Variants in SELENOT observed in about 807,000 individuals in gnomAD.
SELENOT encodes selenoprotein T, also known as thioredoxin reductase-like selenoprotein T.
A neutral mutation model predicts 24.3 loss-of-function variants in SELENOT; 9 were observed. That is an observed-to-expected ratio of 0.37 (90% CI 0.22 to 0.65). The LOEUF is 0.65. SELENOT is among the 30% of genes least tolerant of loss of function. The pLI is 0.60. For synonymous variants in SELENOT, 81 were observed against 86.0 expected (o/e 0.94, Z 0.32); for missense variants, 166 against 247.6 (o/e 0.67, Z 2.21).
rs1273778141 is a variant in SELENOT, at chr3:150,627,117, C to T, written c.571C>T (p.Pro191Ser). The change falls in exon 5 of 6, where the codon CCA becomes TCA. Residue 191 changes from proline to serine, a missense_variant. Around this residue, in one of 5 missense-constraint regions of SELENOT, gnomAD observed 44 missense variants for 72.2 expected, o/e 0.61. Coordinates refer to ENST00000471696, the MANE Select transcript of SELENOT (RefSeq NM_016275.5). ...MKLNVHMDSI[P>S]HHRS ...GCTCAATGTGCATATGGATTCAATCCCACACCATCGATCATAGCACCACCT... is the reference window on the plus strand; with the variant it reads ...GCTCAATGTGCATATGGATTCAATCTCACACCATCGATCATAGCACCACCT... The T allele has an allele frequency of 6.2e-7, 1 of 1,613,052 alleles. No individual in the cohort carries two copies. The highest frequency in any genetic ancestry group is 8.5e-7 in the Non-Finnish European group (1 of 1,179,516).
chr3:150,610,728 G>A (rs1726066951), intron 1 of SELENOT, among the ~76,000 whole-genome samples: 1 of 152,168 alleles, frequency 6.6e-6, no homozygotes, highest in Admixed American at 6.5e-5. Context: ...ACTAAAAAAT[G>A]TTTTACTAAC....
chr3:150,618,950 A>G (rs997959052), intron 1 of SELENOT: 7 of 152,218 alleles, frequency 4.6e-5, no homozygotes, highest in African/African-American at 1.4e-4. Flanking sequence ...CTTCTTTTAG[A>G]AAAGTACTGT....
At chr3:150,604,906 G>A (rs1315753984) in intron 1 of SELENOT, among the ~76,000 whole-genome samples, 2 of 151,952 alleles carry the variant, frequency 1.3e-5, no homozygotes, top group African/African-American at 2.4e-5. Context: ...GCGTGGTGGC[G>A]CATGCCTGTA....
At chr3:150,625,954 C>G (rs929595527) in intron 4 of SELENOT, among the ~76,000 whole-genome samples, 1 of 151,436 alleles carries the variant, frequency 6.6e-6, no homozygotes, top group African/African-American at 2.4e-5. Context: ...ACTGCAAGCT[C>G]TGCCTCCCAG....
chr3:150,623,027 T>C lies in SELENOT; in HGVS notation c.249-16T>C. ...AATTGTGGCTTCTGATGATTTTCTT[T>C]CTTTTCTTTTGATAGACACATAGCA... On this transcript the variant is annotated splice_polypyrimidine_tract_variant and intron_variant, in intron 2 of 5. Coordinates refer to ENST00000471696, the MANE Select transcript of SELENOT (RefSeq NM_016275.5). 1 of 1,505,032 alleles carries C rather than the reference T, an allele frequency of 6.6e-7. No individual in the cohort carries two copies. Among genetic ancestry groups the C allele is most frequent in the Non-Finnish European group, 8.9e-7 (1 of 1,126,520 alleles). The allele number at this position is 1,505,032 out of a possible 1,614,324, so 93.2% of individuals were successfully genotyped here. A position where few individuals can be genotyped will look rare whatever the true frequency, so the allele number is the denominator to read the frequency against.
Position 150,630,140 on chromosome 3 carries a change from A to G in SELENOT, c.*2511A>G, listed in dbSNP as rs1726526137. The G allele has an allele frequency of 6.6e-6, 1 of 152,244 alleles. No individual in the cohort carries two copies. The highest frequency in any genetic ancestry group is 1.5e-5 in the Non-Finnish European group (1 of 68,034). 9.4% of individuals were successfully genotyped at this position (152,244 alleles called of 1,614,324 possible). On this transcript the variant is annotated 3_prime_UTR_variant, in exon 6 of 6. Transcript: ENST00000471696. ...ATTATTTGCTTATGACACTAACACT[A>G]TTAATGACAGGAGTCAATCAGCCTT...
intron 4 of SELENOT, among the ~76,000 whole-genome samples, chr3:150,625,527 C>G (rs1726421396): frequency 6.6e-6 from 1 of 152,116 alleles, no homozygotes; most frequent in African/African-American, 2.4e-5. Context: ...ATCTTAACTG[C>G]CACCACCCTA....
At chr3:150,606,976 C>T (rs1313754010) in intron 1 of SELENOT, among the ~76,000 whole-genome samples, 1 of 152,166 alleles carries the variant, frequency 6.6e-6, no homozygotes, top group East Asian at 1.9e-4. Context: ...GTTTGTCATA[C>T]ATACTTTCTC....
At chr3:150,617,498 A>G (rs1726243237) in intron 1 of SELENOT, among the ~76,000 whole-genome samples, 1 of 152,080 alleles carries the variant, frequency 6.6e-6, no homozygotes, top group African/African-American at 2.4e-5. Context: ...TATTGAGGAG[A>G]CTGAGGCAGA....
At chr3:150,619,649 G>A (rs910810655) in intron 1 of SELENOT, among the ~76,000 whole-genome samples, 1 of 152,202 alleles carries the variant, frequency 6.6e-6, no homozygotes, top group Admixed American at 6.5e-5. Flanking sequence ...TACTTATTTG[G>A]AGGTGTACTG....
At chr3:150,625,638 TAAAA>T (rs200078406) in intron 4 of SELENOT, among the ~76,000 whole-genome samples, 2 of 149,194 alleles carry the variant, frequency 1.3e-5, no homozygotes, top group African/African-American at 4.9e-5. Flanking sequence ...ACTTTTTGGT[TAAAA>T]AAAAAACTAA....
chr3:150,616,285 C>T (rs1455735984), intron 1 of SELENOT, among the ~76,000 whole-genome samples: 10 of 139,274 alleles, frequency 7.2e-5, no homozygotes, highest in Middle Eastern at 7.4e-3. Flanking sequence ...AGGACATAGG[C>T]ATGGGCAAGG....
Position 150,603,357 on chromosome 3 carries a change from T to G in SELENOT, c.-6T>G. 6.2e-7 allele frequency: 1 copy of G among 1,609,672 alleles called. No homozygotes were observed. The highest frequency in any genetic ancestry group is 8.5e-7 in the Non-Finnish European group (1 of 1,177,050). On this transcript the variant is annotated 5_prime_UTR_variant, in exon 1 of 6. Coordinates refer to ENST00000471696, the MANE Select transcript of SELENOT (RefSeq NM_016275.5). ...GAGGGCGGCCGAAGTGGCTGGCTCA[T>G]TTAAGATGAGGCTTCTGCTGCTTCT...
rs899853371 is a variant in SELENOT at position 150,622,404 on chromosome 3, C to T, written c.157C>T (p.Arg53Trp). The change falls in exon 2 of 6, where the codon CGG becomes TGG. Residue 53 changes from arginine to tryptophan, a missense_variant. Physicochemically the swap from Arg to Trp is moderately radical, Grantham distance 101. This residue lies in a region of SELENOT where 71 missense variants were observed against 89.2 expected (regional missense o/e 0.80). Transcript: ENST00000471696. ...FQICVSUGYR[R>W]VFEEYMRVIS... ...CTGCAGTGTTTCCTGAGGTTATAGG[C>T]GGGTGTTTGAGGAGTACATGCGGGT... is the stretch of plus-strand genomic sequence containing the variant. 1 of 1,462,248 alleles carries T rather than the reference C, an allele frequency of 6.8e-7. No homozygotes were observed. The highest frequency in any genetic ancestry group is 9.1e-7 in the Non-Finnish European group (1 of 1,093,206). The allele number at this position is 1,462,248 out of a possible 1,614,324, so 90.6% of individuals were successfully genotyped here. A position where few individuals can be genotyped will look rare whatever the true frequency, so the allele number is the denominator to read the frequency against.
intron 4 of SELENOT, among the ~76,000 whole-genome samples, chr3:150,626,304 A>G (rs759944565): frequency 8.5e-5 from 13 of 152,124 alleles, no homozygotes; most frequent in East Asian, 1.9e-4. Flanking sequence ...TGCATGATCT[A>G]TTTCAGTGGT....
chr3:150,609,690 G>C (rs1726039523), intron 1 of SELENOT, among the ~76,000 whole-genome samples: 1 of 152,162 alleles, frequency 6.6e-6, no homozygotes, highest in Non-Finnish European at 1.5e-5. Flanking sequence ...TCAGGATATA[G>C]AAAGTTGGGA....
chr3:150,607,070 A>C (rs1725983096), intron 1 of SELENOT, among the ~76,000 whole-genome samples: 1 of 152,234 alleles, frequency 6.6e-6, no homozygotes, highest in South Asian at 2.1e-4. Flanking sequence ...AACCCTTTAC[A>C]GTTAATATTT....
intron 1 of SELENOT, among the ~76,000 whole-genome samples, chr3:150,607,576 A>G (rs535456425): frequency 6.6e-6 from 1 of 152,350 alleles, no homozygotes; most frequent in East Asian, 1.9e-4. Flanking sequence ...CCACACAGAT[A>G]AAATTCAATT....
At chr3:150,610,694 T>C (rs1392618811) in intron 1 of SELENOT, among the ~76,000 whole-genome samples, 1 of 152,232 alleles carries the variant, frequency 6.6e-6, no homozygotes. Context: ...TGAAATTAGA[T>C]TGTGAACTCT....
Sources: gnomAD v4.1 joint callset for allele counts (sites outside exome capture counted in the v4.1 genomes callset) on GRCh38, gnomAD v4.1.1 for gene constraint, gnomAD v4.1.1 regional missense constraint, MANE v1.5 for transcripts, NCBI Gene and HGNC (gene_info 2026-07-23, HGNC 2026-07-21) for gene names.